The following TF variants were observed in gnomAD, a reference collection of about 807,000 sequenced individuals.
The protein encoded by TF is serotransferrin.
Under a neutral mutation model 82.4 loss-of-function variants are expected in TF, and 55 were observed. The observed-to-expected ratio is 0.67, with a 90% CI of 0.54 to 0.84. The LOEUF is 0.84. Among genes scored for constraint, TF ranks in the 40% least tolerant of loss-of-function variants. The pLI is 0.00. For synonymous variants in TF, 332 were observed against 332.6 expected, an observed-to-expected ratio of 1.00 and a Z score of 0.02; for missense variants, 737 against 868.4, an observed-to-expected ratio of 0.85 and a Z score of 1.90.
the TF span, among the ~76,000 whole-genome samples, chr3:133,675,242 C>CAAA: frequency 0.013 from 704 of 55,410 alleles, 19 homozygotes; most frequent in Middle Eastern, 0.025. Context: ...GAGACTCTGT[C>CAAA]AAAAAAAAAA....
At chr3:133,757,662 G>A (rs1000353020) in intron 7 of TF, 107 bp from the exon 8 acceptor site, 1 of 1,143,196 alleles carries the variant, frequency 8.7e-7, no homozygotes, top group African/African-American at 1.5e-5. Flanking sequence ...CTGGCATCTT[G>A]AACTTTTTCA....
Position 133,794,923 on chromosome 3 carries a change from A to T in TF, c.*16303A>T, listed in dbSNP as rs899854070. The T allele has an allele frequency of 6.6e-6, 1 of 152,260 alleles. No individual in the cohort carries two copies. Among genetic ancestry groups the T allele is most frequent in the Non-Finnish European group, 1.5e-5 (1 of 68,042 alleles). 9.4% of individuals were successfully genotyped at this position (152,260 alleles called of 1,614,324 possible). ...TTATGGGTTATACTTTTATTTGTGA[A>T]GAATTTTGCAGCCAGCTTTAGGTCC... On this transcript the variant is annotated 3_prime_UTR_variant, in exon 17 of 17. Transcript: ENST00000402696.
At chr3:133,745,325 C>T (rs888469608), upstream of TF, among the ~76,000 whole-genome samples, 2 of 152,168 alleles carry the variant, frequency 1.3e-5, no homozygotes, top group Non-Finnish European at 2.9e-5. Context: ...ATTTACACTT[C>T]GTGGAAGGAA....
At position 133,782,769 on chromosome 3, in the gene TF, A is replaced by C. The variant is rs1407905898; in HGVS notation, c.*4149A>C. The C allele has an allele frequency of 1.4e-5, 2 of 144,480 alleles. No individual in the cohort carries two copies. Among genetic ancestry groups the C allele is most frequent in the Non-Finnish European group, 3.0e-5 (2 of 66,732 alleles). 8.9% of individuals were successfully genotyped at this position (144,480 alleles called of 1,614,324 possible). A position where few individuals can be genotyped will look rare whatever the true frequency, so the allele number is the denominator to read the frequency against. On this transcript the variant is annotated 3_prime_UTR_variant, in exon 17 of 17. Transcript: ENST00000402696. ...CCAGGAGTTTGAGACCAGCCTAGGC[A>C]ACATGACAAAACCCCATCTCTGCAA...
chr3:133,668,287 A>G, the TF span, among the ~76,000 whole-genome samples: 21,881 of 152,210 alleles, frequency 0.14, 1,886 homozygotes, highest in Non-Finnish European at 0.2. Flanking sequence ...ATACAGCCCC[A>G]AGGAGCACAA....
At chr3:133,753,108 C>T (rs144632620) in intron 2 of TF, among the ~76,000 whole-genome samples, 30 of 152,220 alleles carry the variant, frequency 2.0e-4, no homozygotes, top group African/African-American at 7.0e-4. Context: ...AAGGAAGTCT[C>T]AAAATAAAGA....
the TF span, among the ~76,000 whole-genome samples, chr3:133,722,749 T>A: frequency 6.6e-6 from 1 of 152,184 alleles, no homozygotes; most frequent in African/African-American, 2.4e-5. Flanking sequence ...CCACTAATTG[T>A]AGTTGTTTTT....
chr3:133,681,749 G>T, the TF span, among the ~76,000 whole-genome samples: 1 of 152,224 alleles, frequency 6.6e-6, no homozygotes, highest in Non-Finnish European at 1.5e-5. Context: ...AGGCCTGCCT[G>T]CCTCTGTAGA....
the TF span, among the ~76,000 whole-genome samples, chr3:133,721,480 G>T: frequency 6.6e-6 from 1 of 152,144 alleles, no homozygotes; most frequent in Admixed American, 6.5e-5. Flanking sequence ...TCTTAAATTT[G>T]TTAAGACTTG....
At chr3:133,678,208 G>A in the TF span, among the ~76,000 whole-genome samples, 3 of 152,332 alleles carry the variant, frequency 2.0e-5, no homozygotes, top group South Asian at 6.2e-4. Flanking sequence ...TTTTATGGGT[G>A]CATAGTATTC....
the TF span, among the ~76,000 whole-genome samples, chr3:133,725,371 C>T: frequency 2.6e-5 from 4 of 152,162 alleles, no homozygotes; most frequent in Non-Finnish European, 5.9e-5. Flanking sequence ...AGGTCCTTCA[C>T]GTCCCTTGTA....
chr3:133,699,735 A>G, the TF span: 7 of 397,192 alleles, frequency 1.8e-5, no homozygotes, highest in Non-Finnish European at 3.5e-5. Context: ...TGTTCAGGGT[A>G]CAGTGGGAGC....
the TF span, among the ~76,000 whole-genome samples, chr3:133,727,915 G>A: frequency 6.6e-6 from 1 of 151,696 alleles, no homozygotes; most frequent in Non-Finnish European, 1.5e-5. Context: ...CACTTATGAT[G>A]CTTAGTTTGG....
At position 133,796,190 on chromosome 3, in the gene TF, C is replaced by T. The variant is rs1477006315; in HGVS notation, c.*17570C>T. On this transcript the variant is annotated 3_prime_UTR_variant, in exon 17 of 17. Coordinates refer to ENST00000402696, the MANE Select transcript of TF (RefSeq NM_001063.4). ...ATGCAACAAAAGTTTCATCCAGTTC[C>T]ACCACCCCTGGCCATCAAGGAGCTA... 1 of 153,420 alleles carries T rather than the reference C, an allele frequency of 6.5e-6. No individual in the cohort carries two copies. Among genetic ancestry groups the T allele is most frequent in the Non-Finnish European group, 1.5e-5 (1 of 68,110 alleles). The allele number at this position is 153,420 out of a possible 1,614,324, so 9.5% of individuals were successfully genotyped here.
chr3:133,684,530 C>T, the TF span, among the ~76,000 whole-genome samples: 1 of 152,198 alleles, frequency 6.6e-6, no homozygotes, highest in South Asian at 2.1e-4. Context: ...ATATCACCAC[C>T]AATCCCACAG....
intron 16 of TF, 162 bp downstream of exon 16, chr3:133,777,400 C>A: frequency 2.9e-6 from 2 of 690,384 alleles, no homozygotes; most frequent in South Asian, 1.7e-5. Flanking sequence ...GTATGACAGG[C>A]TAGACTGTAG....
chr3:133,775,287 C>T (rs577595191), intron 14 of TF, 146 bp from the exon 15 acceptor site: 85 of 789,206 alleles, frequency 1.1e-4, no homozygotes, highest in Non-Finnish European at 1.7e-4. Context: ...GGTGTCTCTT[C>T]CTGTCCACAT....
chr3:133,712,082 A>C, the TF span, among the ~76,000 whole-genome samples: 1 of 152,110 alleles, frequency 6.6e-6, no homozygotes, highest in Non-Finnish European at 1.5e-5. Context: ...TTGTAGCTTC[A>C]TGGAACCCTA....
At chr3:133,754,355 C>G in intron 3 of TF, 140 bp from the exon 4 acceptor site, 1 of 832,394 alleles carries the variant, frequency 1.2e-6, no homozygotes, top group Middle Eastern at 3.3e-4. Flanking sequence ...GGAAGGTTTT[C>G]CTGATTCCCC....
Sources: gnomAD v4.1 joint callset for allele counts (sites outside exome capture counted in the v4.1 genomes callset) on GRCh38, gnomAD v4.1.1 for gene constraint, MANE v1.5 for transcripts, NCBI Gene and HGNC (gene_info 2026-07-23, HGNC 2026-07-21) for gene names.